PEX5L: variants seen among roughly 807,000 people sequenced by gnomAD.
The protein encoded by PEX5L is peroxisomal biogenesis factor 5 like, also known as PEX5-related protein.
In PEX5L, 30 loss-of-function variants were observed where a neutral mutation model predicts 84.0. That is an observed-to-expected ratio of 0.36 (90% CI 0.27 to 0.48). The LOEUF is 0.48. PEX5L is among the 20% of genes least tolerant of loss of function. The pLI, the probability that PEX5L is intolerant of heterozygous loss-of-function variation, is 0.99. For synonymous variants in PEX5L, 270 were observed against 283.1 expected (o/e 0.95, Z 0.46); for missense variants, 533 against 754.6 (o/e 0.71, Z 3.44).
chr3:179,999,400 A>C (rs1019859323), intron 1 of PEX5L, among the ~76,000 whole-genome samples: 4 of 152,136 alleles, frequency 2.6e-5, no homozygotes, highest in African/African-American at 9.7e-5. Context: ...AAGTGGACAT[A>C]ATGGCAGAGA....
chr3:179,880,249 C>T (rs1203451233), intron 4 of PEX5L, 126 bp from the exon 5 acceptor site: 7 of 556,076 alleles, frequency 1.3e-5, no homozygotes, highest in Non-Finnish European at 2.2e-5. Flanking sequence ...TACGTTAGCT[C>T]ATCATTGATT....
chr3:179,835,436 C>T (rs997566711), intron 8 of PEX5L, among the ~76,000 whole-genome samples: 2 of 151,848 alleles, frequency 1.3e-5, no homozygotes, highest in Non-Finnish European at 2.9e-5. Context: ...ATATATCAGT[C>T]GGTAATGGTT....
intron 8 of PEX5L, among the ~76,000 whole-genome samples, chr3:179,843,644 A>G (rs898309536): frequency 5.9e-5 from 9 of 152,198 alleles, no homozygotes; most frequent in African/African-American, 1.9e-4. Flanking sequence ...AAAAATAATT[A>G]TTCAATCTCA....
chr3:180,009,565 T>A (rs1176182932), intron 1 of PEX5L, among the ~76,000 whole-genome samples: 2 of 149,936 alleles, frequency 1.3e-5, no homozygotes, highest in Admixed American at 6.6e-5. Flanking sequence ...CTGAAAAAAT[T>A]TTTTTCTTTT....
At chr3:179,853,680 A>C (rs2108481661) in intron 8 of PEX5L, among the ~76,000 whole-genome samples, 1 of 152,234 alleles carries the variant, frequency 6.6e-6, no homozygotes, top group East Asian at 1.9e-4. Context: ...TTTATTTTTT[A>C]AGCCCAGAAT....
intron 2 of PEX5L, among the ~76,000 whole-genome samples, chr3:179,937,268 T>C (rs991560684): frequency 6.6e-6 from 1 of 152,150 alleles, no homozygotes; most frequent in Non-Finnish European, 1.5e-5. Context: ...TAATAGTAAG[T>C]ACCAAAGGAC....
chr3:180,010,518 T>C (rs1185317085), intron 1 of PEX5L, among the ~76,000 whole-genome samples: 1 of 152,096 alleles, frequency 6.6e-6, no homozygotes, highest in Admixed American at 6.6e-5. Flanking sequence ...AACCCTGGCA[T>C]ACCCTCTACA....
chr3:179,988,160 G>A (rs1787029059), intron 1 of PEX5L, among the ~76,000 whole-genome samples: 1 of 152,102 alleles, frequency 6.6e-6, no homozygotes, highest in Admixed American at 6.6e-5. Context: ...AGCACTTTAG[G>A]AGGCCAAGGT....
rs1577471149 is a variant in PEX5L, at chr3:179,841,328, C to T, written c.822+17734G>A. ...CTTCGAAGGCCTTCTCTTTCCATTCCACTTCCACTCCCTGTTCCAAATGTG... is the reference window on the plus strand; with the variant it reads ...CTTCGAAGGCCTTCTCTTTCCATTCTACTTCCACTCCCTGTTCCAAATGTG... On this transcript the variant is annotated intron_variant, in intron 8 of 14. Coordinates refer to ENST00000467460, the MANE Select transcript of PEX5L (RefSeq NM_016559.3). 2.0e-5 allele frequency among the ~76,000 whole-genome samples: 3 copies of T among 152,236 alleles called. 1 individual carries two copies. The Middle Eastern group carries it at 0.01, about 518-fold the overall frequency.
intron 7 of PEX5L, among the ~76,000 whole-genome samples, chr3:179,859,691 C>T (rs1292064096): frequency 6.6e-6 from 1 of 152,194 alleles, no homozygotes; most frequent in African/African-American, 2.4e-5. Context: ...CCTCTGTTGG[C>T]ACTGTCTTAT....
chr3:179,809,908 T>C (rs761325868), intron 11 of PEX5L, among the ~76,000 whole-genome samples: 3 of 151,926 alleles, frequency 2.0e-5, no homozygotes, highest in Non-Finnish European at 4.4e-5. Context: ...ATAAGTAGCT[T>C]TAAAACTATG....
chr3:179,996,942 T>G (rs1196171843), intron 1 of PEX5L, among the ~76,000 whole-genome samples: 9 of 152,186 alleles, frequency 5.9e-5, no homozygotes, highest in Non-Finnish European at 1.2e-4. Flanking sequence ...CATTCCTACT[T>G]AATTTATATA....
intron 12 of PEX5L, 38 bp downstream of exon 12, chr3:179,809,433 G>T (rs946499482): frequency 2.8e-6 from 4 of 1,454,240 alleles, no homozygotes; most frequent in East Asian, 2.3e-5. Flanking sequence ...TGTATATATG[G>T]GTGTTTACTG....
intron 8 of PEX5L, among the ~76,000 whole-genome samples, chr3:179,842,433 A>C (rs184433280): frequency 9.2e-5 from 14 of 152,322 alleles, no homozygotes; most frequent in Non-Finnish European, 1.8e-4. Context: ...CTATTTAATA[A>C]AAATTTTAAA....
intron 1 of PEX5L, among the ~76,000 whole-genome samples, chr3:180,004,847 C>T (rs888813963): frequency 6.6e-6 from 1 of 151,422 alleles, no homozygotes; most frequent in Non-Finnish European, 1.5e-5. Context: ...CTGAATCATG[C>T]TATAAGAATT....
chr3:179,985,323 C>T (rs1344858346), intron 1 of PEX5L, among the ~76,000 whole-genome samples: 2 of 152,178 alleles, frequency 1.3e-5, no homozygotes, highest in Non-Finnish European at 2.9e-5. Flanking sequence ...AAGGTCATCT[C>T]GGTCACTAAG....
intron 1 of PEX5L, among the ~76,000 whole-genome samples, chr3:180,006,400 T>A (rs891884972): frequency 1.6e-4 from 25 of 152,088 alleles, no homozygotes; most frequent in Admixed American, 1.3e-3. Flanking sequence ...ATATATAAGG[T>A]CATTGACATT....
At chr3:179,943,481 C>T (rs1259820627) in intron 2 of PEX5L, among the ~76,000 whole-genome samples, 1 of 152,166 alleles carries the variant, frequency 6.6e-6, no homozygotes, top group Non-Finnish European at 1.5e-5. Context: ...TAATAATTAG[C>T]CTGCAGTAAA....
chr3:179,855,370 C>G (rs1238150676), intron 8 of PEX5L, among the ~76,000 whole-genome samples: 1 of 152,172 alleles, frequency 6.6e-6, no homozygotes, highest in Non-Finnish European at 1.5e-5. Flanking sequence ...ATCTGCATCA[C>G]CATTCTTTGT....
Sources: gnomAD v4.1 joint callset for allele counts (sites outside exome capture counted in the v4.1 genomes callset) on GRCh38, gnomAD v4.1.1 for gene constraint, MANE v1.5 for transcripts, NCBI Gene and HGNC (gene_info 2026-07-23, HGNC 2026-07-21) for gene names.